Variants in FCER2 observed in about 807,000 individuals in gnomAD.
The protein encoded by FCER2 is low affinity immunoglobulin epsilon Fc receptor.
Under a neutral mutation model 49.7 loss-of-function variants are expected in FCER2, and 38 were observed. The ratio of observed to expected loss-of-function variants is 0.76; its 90% CI spans 0.59 to 1.00. FCER2 has a LOEUF of 1.00. Ranked by LOEUF, FCER2 falls within the 50% of genes least tolerant of loss-of-function variation. FCER2 has a pLI of 0.00. For synonymous variants in FCER2, 163 were observed against 164.6 expected (o/e 0.99, Z 0.07); for missense variants, 425 against 419.5 (o/e 1.01, Z -0.11).
rs1391109734 is a variant in FCER2 at position 7,688,956 on chromosome 19, G to A, written c.*237C>T. Reference sequence around the variant, plus strand: ...TGGGGTGTACTCTCATCTGGAGAGGGTGCTGTTGGGGTGTACTCTCATCTG... The same window carrying A: ...TGGGGTGTACTCTCATCTGGAGAGGATGCTGTTGGGGTGTACTCTCATCTG... On this transcript the variant is annotated 3_prime_UTR_variant, in exon 11 of 11. Transcript: ENST00000597921. 6 of 560,670 alleles carry A rather than the reference G, an allele frequency of 1.1e-5. No individual in the cohort carries two copies. In the African/African-American group the frequency reaches 1.1e-4, roughly 11 times the overall value. The allele number at this position is 560,670 out of a possible 1,614,324, so 34.7% of individuals were successfully genotyped here.
chr19:7,689,496 C>A, intron 10 of FCER2, 66 bp from the exon 11 acceptor site: 1 of 1,016,726 alleles, frequency 9.8e-7, no homozygotes. Context: ...CGGCAGCCCT[C>A]TGAGTCTGCA....
chr19:7,694,740 C>T (rs1322471434), intron 8 of FCER2, among the ~76,000 whole-genome samples: 1 of 152,164 alleles, frequency 6.6e-6, no homozygotes, highest in Non-Finnish European at 1.5e-5. Flanking sequence ...GTTAGGGCAG[C>T]TGGGGCTTCC....
chr19:7,693,072 C>G (rs2032924481), intron 8 of FCER2, among the ~76,000 whole-genome samples: 1 of 152,142 alleles, frequency 6.6e-6, no homozygotes, highest in Admixed American at 6.6e-5. Flanking sequence ...ATCTCCACCA[C>G]CCACACCACA....
rs1231008542 is a variant in FCER2 at position 7,690,487 on chromosome 19, G to A, written c.540C>T (p.Gly180=). 6.2e-7 allele frequency: 1 copy of A among 1,614,066 alleles called. No individual in the cohort carries two copies. Among genetic ancestry groups the A allele is most frequent in the Non-Finnish European group, 8.5e-7 (1 of 1,179,970 alleles). The part of the protein sequence containing the change: ...FQRKCYYFGK[G]TKQWVHARYA... ...ACCGGGCGTGGACCCACTGCTTGGT[G>A]CCCTTGCCGAAGTAGTAGCACTTCC... Residue 180 remains glycine, a synonymous_variant, in exon 9 of 11, where the codon GGC becomes GGT. Transcript: ENST00000597921.
At chr19:7,690,677 AC>A in intron 8 of FCER2, 120 bp from the exon 9 acceptor site, 1 of 965,538 alleles carries the variant, frequency 1.0e-6, no homozygotes, top group Non-Finnish European at 1.5e-6. Flanking sequence ...AAGCAGACCC[AC>A]CCCAGGGCCT....
intron 2 of FCER2, 69 bp from the exon 3 acceptor site, chr19:7,698,923 A>G: frequency 3.3e-6 from 5 of 1,504,232 alleles, no homozygotes; most frequent in Non-Finnish European, 4.5e-6. Flanking sequence ...CCGTCTCTCC[A>G]TTACCCAGAG....
At position 7,697,012 on chromosome 19, in the gene FCER2, C is replaced by T. The variant is rs781509818; in HGVS notation, c.379+1G>A. 9 of 1,591,202 alleles carry T rather than the reference C, an allele frequency of 5.7e-6. No individual in the cohort carries two copies. The East Asian group carries it at 2.1e-4, about 36-fold the overall frequency. On this transcript the variant is annotated splice_donor_variant, in intron 7 of 10. Transcript: ENST00000597921. LOFTEE classifies it high-confidence loss of function. Reference sequence around the variant, plus strand: ...CTGCCCCATCCCCTCCCAAGCCTCACCCTGGGACTTGAAGCTGCTCAGATC... The same window carrying T: ...CTGCCCCATCCCCTCCCAAGCCTCATCCTGGGACTTGAAGCTGCTCAGATC...
In FCER2 at chr19:7,698,844, C is replaced by T. The variant is rs1199091315; in HGVS notation, c.33G>A (p.Glu11=). Residue 11 remains glutamate (E), a synonymous_variant, in exon 3 of 11, where the codon GAG becomes GAA. Coordinates refer to ENST00000597921, the MANE Select transcript of FCER2 (RefSeq NM_001220500.2). MEEGQYSEIE[E]LPRRRCCRRG... ...GCCTGCAACACCGCCTCCTGGGAAG[C>T]TCCTCGATCTCTGCCGGGGGTGGAG... 1 of 1,598,632 alleles carries T rather than the reference C, an allele frequency of 6.3e-7. No homozygotes were observed. Among genetic ancestry groups the T allele is most frequent in the Non-Finnish European group, 8.5e-7 (1 of 1,174,232 alleles).
intron 6 of FCER2, 74 bp from the exon 7 acceptor site, chr19:7,697,149 C>T: frequency 1.2e-6 from 2 of 1,604,712 alleles, no homozygotes; most frequent in Non-Finnish European, 1.7e-6. Flanking sequence ...CAAGCCTGGC[C>T]CCCCAGCCTC....
At chr19:7,701,053 GC>G (rs1396335609) in intron 1 of FCER2, among the ~76,000 whole-genome samples, 2 of 152,008 alleles carry the variant, frequency 1.3e-5, no homozygotes, top group African/African-American at 4.8e-5. Flanking sequence ...CAGGTGATCT[GC>G]CCTCCTCAGC....
Position 7,698,349 on chromosome 19 carries a change from T to A in FCER2, c.190+7A>T, listed in dbSNP as rs369546170. Reference sequence around the variant, plus strand: ...CCCCCACCCCCTCCACCTTGACCCCTTCATACCGTTCCGGGCAGCCCTCTC... The same window carrying A: ...CCCCCACCCCCTCCACCTTGACCCCATCATACCGTTCCGGGCAGCCCTCTC... On this transcript the variant is annotated splice_region_variant and intron_variant, in intron 4 of 10. Transcript: ENST00000597921. 58 of 1,603,120 alleles carry A rather than the reference T, an allele frequency of 3.6e-5. No individual in the cohort carries two copies. The African/African-American group carries it at 6.8e-4, about 19-fold the overall frequency.
intron 2 of FCER2, 143 bp downstream of exon 2, chr19:7,699,596 C>A: frequency 8.5e-7 from 1 of 1,179,354 alleles, no homozygotes; most frequent in East Asian, 2.4e-5. Flanking sequence ...CCGGCCTCAC[C>A]TCCTTACTCA....
chr19:7,701,199 C>T (rs1029680459), intron 1 of FCER2, among the ~76,000 whole-genome samples: 4 of 152,154 alleles, frequency 2.6e-5, no homozygotes, highest in East Asian at 1.9e-4. Flanking sequence ...TACCTTCTTT[C>T]GCTGCTTGAC....
intron 8 of FCER2, among the ~76,000 whole-genome samples, chr19:7,693,374 G>T (rs12973523): frequency 1.3e-5 from 2 of 150,158 alleles, no homozygotes; most frequent in African/African-American, 4.9e-5. Context: ...TCCCCCCACC[G>T]CAGTGAAACT....
intron 1 of FCER2, among the ~76,000 whole-genome samples, chr19:7,700,568 G>A (rs1385286789): frequency 6.6e-6 from 1 of 152,154 alleles, no homozygotes; most frequent in East Asian, 1.9e-4. Flanking sequence ...AGGCTGGAGT[G>A]CAGGGGCACG....
chr19:7,689,242 G>C lies in FCER2; in HGVS notation c.917C>G (p.Pro306Arg). ...GGTGGGCAGGCGGCCGTCAGGGTCT[G>C]GTCTTGAATCAGGTCCCATGGACTC... ...SAESMGPDSRPDPDGRLPTPS... is the reference protein window; with the variant it reads ...SAESMGPDSRRDPDGRLPTPS... The change falls in exon 11 of 11, where the codon CCA becomes CGA. Residue 306 changes from proline (P) to arginine (R), a missense_variant. Coordinates refer to ENST00000597921, the MANE Select transcript of FCER2 (RefSeq NM_001220500.2). 1 of 1,613,744 alleles carries C rather than the reference G, an allele frequency of 6.2e-7. No homozygotes were observed. Among genetic ancestry groups the C allele is most frequent in the African/African-American group, 1.3e-5 (1 of 75,050 alleles).
intron 8 of FCER2, among the ~76,000 whole-genome samples, chr19:7,696,449 T>C (rs569839124): frequency 6.6e-6 from 1 of 152,164 alleles, no homozygotes; most frequent in Non-Finnish European, 1.5e-5. Flanking sequence ...TTGGTCAGGC[T>C]GGTCTCGAAC....
intron 2 of FCER2, chr19:7,699,427 T>C (rs1006292489): frequency 2.8e-6 from 4 of 1,439,390 alleles, no homozygotes; most frequent in Admixed American, 4.2e-5. Flanking sequence ...CAAGTTCCTG[T>C]TCTATTTGGC....
At chr19:7,695,744 C>T (rs1221043472) in intron 8 of FCER2, among the ~76,000 whole-genome samples, 2 of 152,114 alleles carry the variant, frequency 1.3e-5, no homozygotes, top group Non-Finnish European at 2.9e-5. Context: ...AAGTGAGACA[C>T]TGTGGCTACA....
Sources: gnomAD v4.1 joint callset for allele counts (sites outside exome capture counted in the v4.1 genomes callset) on GRCh38, gnomAD v4.1.1 for gene constraint, MANE v1.5 for transcripts, NCBI Gene and HGNC (gene_info 2026-07-23, HGNC 2026-07-21) for gene names.